PEX3: variants seen among roughly 807,000 people sequenced by gnomAD.
The protein encoded by PEX3 is peroxin-3.
Under a neutral mutation model 55.8 loss-of-function variants are expected in PEX3, and 30 were observed. The ratio of observed to expected loss-of-function variants is 0.54; its 90% CI spans 0.40 to 0.73. The LOEUF (loss-of-function observed/expected upper bound fraction) is 0.73, where lower values mean the gene tolerates loss of function less well. Among genes scored for constraint, PEX3 ranks in the 30% least tolerant of loss-of-function variants. PEX3 has a pLI of 0.00. For missense variants in PEX3, 351 were observed against 432.8 expected (o/e 0.81, Z 1.68); for synonymous variants, 135 against 148.4 (o/e 0.91, Z 0.66).
intron 8 of PEX3, among the ~76,000 whole-genome samples, chr6:143,474,363 G>A (rs1340760324): frequency 6.6e-6 from 1 of 151,704 alleles, no homozygotes; most frequent in African/African-American, 2.4e-5. Flanking sequence ...GGAGGTTGAG[G>A]CAGGAGAATC....
rs1397842487 is a variant in PEX3, at chr6:143,482,344, A to C, written c.942-2808A>C. Among the ~76,000 whole-genome samples, 1 of 152,116 alleles carries C rather than the reference A, an allele frequency of 6.6e-6. No individual in the cohort carries two copies. Among genetic ancestry groups the C allele is most frequent in the African/African-American group, 2.4e-5 (1 of 41,434 alleles). ...TTTAAAAATGATATCAATTTTGAAA[A>C]GGGAGAAGAAAAAGCTATTGTTATA... On this transcript the variant is annotated intron_variant, in intron 10 of 11. Coordinates refer to ENST00000367591, the MANE Select transcript of PEX3 (RefSeq NM_003630.3). The surrounding 1 kb of genome is among the most constrained non-coding windows in gnomAD (Gnocchi z 5.5).
chr6:143,460,982 T>C (rs1339928687), intron 2 of PEX3, among the ~76,000 whole-genome samples: 1 of 151,998 alleles, frequency 6.6e-6, no homozygotes, highest in East Asian at 1.9e-4. Context: ...AGGATGGGAT[T>C]AGATGTACAA....
At position 143,471,105 on chromosome 6, in the gene PEX3, A is replaced by G. The variant is rs369645649; in HGVS notation, c.456+20A>G. On this transcript the variant is annotated intron_variant, in intron 5 of 11. Transcript: ENST00000367591. This position sits in a 1 kb window ranked among gnomAD's most constrained non-coding sequence, Gnocchi z 5.4. ...GGCACTGTAAGTTTAATAGACTTAAATAGACATTGTTCTTTCCCTCAGGAG... is the reference window on the plus strand; with the variant it reads ...GGCACTGTAAGTTTAATAGACTTAAGTAGACATTGTTCTTTCCCTCAGGAG... 5.7e-5 allele frequency: 91 copies of G among 1,609,288 alleles called. No homozygotes were observed. Among genetic ancestry groups the G allele is most frequent in the Non-Finnish European group, 7.2e-5 (85 of 1,175,946 alleles).
chr6:143,462,574 G>C lies in PEX3; in HGVS notation c.206-342G>C, dbSNP rs1282244341. On this transcript the variant is annotated intron_variant, in intron 2 of 11. Coordinates refer to ENST00000367591, the MANE Select transcript of PEX3 (RefSeq NM_003630.3). This position sits in a 1 kb window ranked among gnomAD's most constrained non-coding sequence, Gnocchi z 4.1. ...AACACTTTTGTAAAAAATTTGGAGAGTATGGAAAAGAAAAAAAAGGAATTG... is the reference window on the plus strand; with the variant it reads ...AACACTTTTGTAAAAAATTTGGAGACTATGGAAAAGAAAAAAAAGGAATTG... Among the ~76,000 whole-genome samples the C allele has an allele frequency of 6.6e-6, 1 of 152,016 alleles. No individual in the cohort carries two copies. Among genetic ancestry groups the C allele is most frequent in the Non-Finnish European group, 1.5e-5 (1 of 68,020 alleles).
In PEX3 at chr6:143,489,848, C is replaced by T. The variant is rs895166088; in HGVS notation, c.*622C>T. The T allele has an allele frequency of 6.6e-6, 1 of 151,916 alleles. No homozygotes were observed. Among genetic ancestry groups the T allele is most frequent in the Non-Finnish European group, 1.5e-5 (1 of 67,952 alleles). The allele number at this position is 151,916 out of a possible 1,614,324, so 9.4% of individuals were successfully genotyped here. On this transcript the variant is annotated 3_prime_UTR_variant, in exon 12 of 12. Transcript: ENST00000367591. The surrounding 1 kb of genome is among the most constrained non-coding windows in gnomAD (Gnocchi z 5.5). ...TATTTTTTAAGGTTTTATTAAAAAG[C>T]CTTAGAAAGTTACATATTGGTTTAG...
rs1780293465 is a variant in PEX3, at chr6:143,484,941, A to T, written c.942-211A>T. On this transcript the variant is annotated intron_variant, in intron 10 of 11. Coordinates refer to ENST00000367591, the MANE Select transcript of PEX3 (RefSeq NM_003630.3). ...AGAGGTTTTTGGTAGACACAAAAAA[A>T]CAAAGATATGTGTAAAAAAACGCCA... 5.6e-6 allele frequency: 3 copies of T among 531,992 alleles called. No individual in the cohort carries two copies. In the South Asian group the frequency reaches 6.3e-5, roughly 11 times the overall value. The allele number at this position is 531,992 out of a possible 1,614,324, so 33.0% of individuals were successfully genotyped here. A position where few individuals can be genotyped will look rare whatever the true frequency, so the allele number is the denominator to read the frequency against.
Position 143,482,346 on chromosome 6 carries a change from G to A in PEX3, c.942-2806G>A, listed in dbSNP as rs558041307. Among the ~76,000 whole-genome samples the A allele has an allele frequency of 7.9e-5, 12 of 151,956 alleles. No individual in the cohort carries two copies. Among genetic ancestry groups the A allele is most frequent in the African/African-American group, 2.9e-4 (12 of 41,464 alleles). On this transcript the variant is annotated intron_variant, in intron 10 of 11. Coordinates refer to ENST00000367591, the MANE Select transcript of PEX3 (RefSeq NM_003630.3). The surrounding 1 kb of genome is among the most constrained non-coding windows in gnomAD (Gnocchi z 5.5). Reference sequence around the variant, plus strand: ...TAAAAATGATATCAATTTTGAAAAGGGAGAAGAAAAAGCTATTGTTATATG... The same window carrying A: ...TAAAAATGATATCAATTTTGAAAAGAGAGAAGAAAAAGCTATTGTTATATG...
rs554715515 is a variant in PEX3 at position 143,459,596 on chromosome 6, A to C, written c.205+380A>C. ...TGAGGGCTGGAACGTTCTTTAAGAC[A>C]GGGGATCAGTAGAGTCAGGTTTCTT... is the stretch of plus-strand genomic sequence containing the variant. On this transcript the variant is annotated intron_variant, in intron 2 of 11. Transcript: ENST00000367591. The surrounding 1 kb of genome is among the most constrained non-coding windows in gnomAD (Gnocchi z 4.2). 6.6e-6 allele frequency among the ~76,000 whole-genome samples: 1 copy of C among 152,182 alleles called. No homozygotes were observed. The highest frequency in any genetic ancestry group is 1.5e-5 in the Non-Finnish European group (1 of 68,024).
At position 143,467,369 on chromosome 6, in the gene PEX3, A is replaced by G. The variant is rs552171704; in HGVS notation, c.288-753A>G. Among the ~76,000 whole-genome samples the G allele has an allele frequency of 6.6e-5, 10 of 152,238 alleles. No individual in the cohort carries two copies. The East Asian group carries it at 1.9e-3, about 29-fold the overall frequency. ...ATATTACCTTTTTGATCATATGCACATATAAATAAATAAATAAATAAACAT... is the reference window on the plus strand; with the variant it reads ...ATATTACCTTTTTGATCATATGCACGTATAAATAAATAAATAAATAAACAT... On this transcript the variant is annotated intron_variant, in intron 3 of 11. Coordinates refer to ENST00000367591, the MANE Select transcript of PEX3 (RefSeq NM_003630.3).
Position 143,472,215 on chromosome 6 carries a change from A to G in PEX3, c.634A>G (p.Ile212Val), listed in dbSNP as rs749972932. The change falls in exon 8 of 12, where the codon ATC (isoleucine) becomes GTC (valine). Residue 212 changes from isoleucine (I) to valine (V), a missense_variant. By Grantham distance (29) the Ile-to-Val change is conservative. Coordinates refer to ENST00000367591, the MANE Select transcript of PEX3 (RefSeq NM_003630.3). ...LLDLEQKLKE[I>V]RNLVEQHKSS... ...GGACTTGGAGCAAAAACTAAAAGAA[A>G]TCAGAAATCTCGTTGAGCAGCATAA... 1 of 1,610,384 alleles carries G rather than the reference A, an allele frequency of 6.2e-7. No individual in the cohort carries two copies. Among genetic ancestry groups the G allele is most frequent in the South Asian group, 1.1e-5 (1 of 91,010 alleles).
rs1220088963 is a variant in PEX3 at position 143,463,136 on chromosome 6, A to G, written c.287+139A>G. Reference sequence around the variant, plus strand: ...AGGCTCAGTAAGAAAAATACTAACTATATCATTTAACCTACATTTAATTTT... The same window carrying G: ...AGGCTCAGTAAGAAAAATACTAACTGTATCATTTAACCTACATTTAATTTT... On this transcript the variant is annotated intron_variant, in intron 3 of 11. Coordinates refer to ENST00000367591, the MANE Select transcript of PEX3 (RefSeq NM_003630.3). This position sits in a 1 kb window ranked among gnomAD's most constrained non-coding sequence, Gnocchi z 5.7. The G allele has an allele frequency of 3.0e-6, 2 of 676,554 alleles. No homozygotes were observed. Among genetic ancestry groups the G allele is most frequent in the South Asian group, 1.7e-5 (1 of 57,732 alleles). The allele number at this position is 676,554 out of a possible 1,614,324, so 41.9% of individuals were successfully genotyped here.
Position 143,453,072 on chromosome 6 carries a change from A to G in PEX3, c.73+1957A>G, listed in dbSNP as rs944608037. On this transcript the variant is annotated intron_variant, in intron 1 of 11. Coordinates refer to ENST00000367591, the MANE Select transcript of PEX3 (RefSeq NM_003630.3). This position sits in a 1 kb window ranked among gnomAD's most constrained non-coding sequence, Gnocchi z 4.6. ...TGAAGGGGAACTGGAATTCAAACCC[A>G]GGTGTGTTGGACCACAAAGCACATT... 6.6e-6 allele frequency among the ~76,000 whole-genome samples: 1 copy of G among 152,218 alleles called. No homozygotes were observed. The highest frequency in any genetic ancestry group is 6.5e-5 in the Admixed American group (1 of 15,288).
In PEX3 at chr6:143,483,419, T is replaced by C. The variant is rs1322821625; in HGVS notation, c.942-1733T>C. ...AATTTGAACTACTAAGATTGGAAGC[T>C]ATTAAATATGACCCTAGACTACAGT... On this transcript the variant is annotated intron_variant, in intron 10 of 11. Coordinates refer to ENST00000367591, the MANE Select transcript of PEX3 (RefSeq NM_003630.3). This position sits in a 1 kb window ranked among gnomAD's most constrained non-coding sequence, Gnocchi z 4.3. 6.6e-6 allele frequency among the ~76,000 whole-genome samples: 1 copy of C among 152,180 alleles called. No homozygotes were observed. Among genetic ancestry groups the C allele is most frequent in the African/African-American group, 2.4e-5 (1 of 41,450 alleles).
At chr6:143,467,021 T>C (rs1780001880) in intron 3 of PEX3, among the ~76,000 whole-genome samples, 1 of 152,068 alleles carries the variant, frequency 6.6e-6, no homozygotes, top group African/African-American at 2.4e-5. Context: ...TGATTCTTGT[T>C]GGTAGTGTAA....
rs1584018692 is a variant in PEX3 at position 143,485,268 on chromosome 6, G to A, written c.1038+20G>A. ...GTTCAGGTAAGAAGAAAGCTTGGGA[G>A]TGTTATTAAAAGCAAATTATATTTG... On this transcript the variant is annotated intron_variant, in intron 11 of 11. Transcript: ENST00000367591. This position sits in a 1 kb window ranked among gnomAD's most constrained non-coding sequence, Gnocchi z 5.6. 5 of 1,364,142 alleles carry A rather than the reference G, an allele frequency of 3.7e-6. No homozygotes were observed. In the East Asian group the frequency reaches 1.1e-4, roughly 31 times the overall value. The allele number at this position is 1,364,142 out of a possible 1,614,324, so 84.5% of individuals were successfully genotyped here.
rs1780066805 is a variant in PEX3 at position 143,471,077 on chromosome 6, A to C, written c.448A>C (p.Asn150His). The part of the protein sequence containing the change: ...IYLDNAAVGK[N>H]GTTILAPPDV... ...CCTGGATAATGCAGCAGTTGGCAAA[A>C]ATGGCACTGTAAGTTTAATAGACTT... The change falls in exon 5 of 12, where the codon AAT becomes CAT. Residue 150 changes from asparagine (N) to histidine (H), a missense_variant. Asn to His is a moderately conservative substitution (Grantham distance 68). Coordinates refer to ENST00000367591, the MANE Select transcript of PEX3 (RefSeq NM_003630.3). This position sits in a 1 kb window ranked among gnomAD's most constrained non-coding sequence, Gnocchi z 5.4. 6.2e-7 allele frequency: 1 copy of C among 1,613,534 alleles called. No homozygotes were observed. The highest frequency in any genetic ancestry group is 1.3e-5 in the African/African-American group (1 of 75,034).
chr6:143,473,737 T>C (rs189316862), intron 8 of PEX3, among the ~76,000 whole-genome samples: 30 of 151,938 alleles, frequency 2.0e-4, no homozygotes, highest in African/African-American at 6.0e-4. Context: ...ATGGGCATAG[T>C]GGTGCATGGC....
intron 1 of PEX3, among the ~76,000 whole-genome samples, chr6:143,452,864 G>T (rs1030593346): frequency 6.6e-6 from 1 of 152,134 alleles, no homozygotes; most frequent in Non-Finnish European, 1.5e-5. Context: ...GGAAATACAA[G>T]ATTTATATAT....
Position 143,483,216 on chromosome 6 carries a change from G to A in PEX3, c.942-1936G>A, listed in dbSNP as rs568830081. 3.3e-5 allele frequency among the ~76,000 whole-genome samples: 5 copies of A among 152,212 alleles called. No homozygotes were observed. The South Asian group carries it at 6.2e-4, about 19-fold the overall frequency. ...TGTTAATCTAAGATTTATTGAACAC[G>A]TGTTATGAATCAGGCACTGTATTAG... is the stretch of plus-strand genomic sequence containing the variant. On this transcript the variant is annotated intron_variant, in intron 10 of 11. Transcript: ENST00000367591. This position sits in a 1 kb window ranked among gnomAD's most constrained non-coding sequence, Gnocchi z 4.3.
Sources: gnomAD v4.1 joint callset for allele counts (sites outside exome capture counted in the v4.1 genomes callset) on GRCh38, gnomAD v4.1.1 for gene constraint, Gnocchi (gnomAD v3.1) non-coding constraint, MANE v1.5 for transcripts, NCBI Gene and HGNC (gene_info 2026-07-23, HGNC 2026-07-21) for gene names.